Variants in ASNS observed in about 807,000 individuals in gnomAD.
ASNS encodes the protein asparagine synthetase (glutamine-hydrolyzing).
A neutral mutation model predicts 62.6 loss-of-function variants in ASNS; 37 were observed. The observed-to-expected ratio is 0.59, with a 90% CI of 0.45 to 0.78. ASNS has a LOEUF of 0.78. Among genes scored for constraint, ASNS ranks in the 30% least tolerant of loss-of-function variants. The pLI is 0.00. For missense variants in ASNS, 520 were observed against 682.4 expected (o/e 0.76, Z 2.65); for synonymous variants, 207 against 237.9 (o/e 0.87, Z 1.19).
rs758183057 is a variant in ASNS at position 97,854,680 on chromosome 7, C to G, written c.1138G>C (p.Ala380Pro). The change falls in exon 10 of 13, where the codon GCT becomes CCT. Residue 380 changes from alanine to proline, a missense_variant and splice_region_variant. By Grantham distance (27) the Ala-to-Pro change is conservative. Transcript: ENST00000394308. The part of the protein sequence containing the change: ...LTQGYIYFHK[A>P]PSPEKAEEES... ...TCCTCGGCTTTTTCAGGAGAAGGAG[C>G]CTATTTCACAAACAAAAACACCAAG... The G allele has an allele frequency of 6.2e-7, 1 of 1,613,980 alleles. No individual in the cohort carries two copies. Among genetic ancestry groups the G allele is most frequent in the South Asian group, 1.1e-5 (1 of 91,084 alleles).
the ASNS span, among the ~76,000 whole-genome samples, chr7:97,917,054 T>G: frequency 4.6e-5 from 7 of 152,052 alleles, no homozygotes; most frequent in Non-Finnish European, 1.0e-4. Context: ...TGGAGAGTCC[T>G]TCACATGGGA....
At chr7:97,924,352 G>A in the ASNS span, among the ~76,000 whole-genome samples, 1 of 152,224 alleles carries the variant, frequency 6.6e-6, no homozygotes, top group Non-Finnish European at 1.5e-5. Flanking sequence ...GCATTCCTCA[G>A]GAGCCTGCCT....
chr7:97,915,046 T>TA, the ASNS span, among the ~76,000 whole-genome samples: 1 of 152,302 alleles, frequency 6.6e-6, no homozygotes, highest in Non-Finnish European at 1.5e-5. Context: ...GACTCCTTTT[T>TA]AAAAAAGTAT....
chr7:97,854,471 T>C (rs1425910698), intron 10 of ASNS, 109 bp downstream of exon 10: 7 of 1,338,214 alleles, frequency 5.2e-6, no homozygotes, highest in Non-Finnish European at 6.2e-6. Context: ...ATGTAACATA[T>C]AGCCAATCAG....
chr7:97,923,406 C>T, the ASNS span, among the ~76,000 whole-genome samples: 2 of 152,022 alleles, frequency 1.3e-5, no homozygotes, highest in Non-Finnish European at 2.9e-5. Context: ...CCTGGCCAAA[C>T]CTCATCTCCA....
chr7:97,867,642 T>A lies in ASNS; in HGVS notation c.249+1266A>T, dbSNP rs181043360. On this transcript the variant is annotated intron_variant, in intron 3 of 12. Transcript: ENST00000394308. ...ATGACATTATTTGACTTAGAAAAAATTTTTAATACTCTCTTCTTCTACCTC... is the reference window on the plus strand; with the variant it reads ...ATGACATTATTTGACTTAGAAAAAAATTTTAATACTCTCTTCTTCTACCTC... Among the ~76,000 whole-genome samples the A allele has an allele frequency of 5.2e-3, 784 of 152,134 alleles. 6 individuals carry two copies. The highest frequency in any genetic ancestry group is 6.4e-3 in the Non-Finnish European group (436 of 67,998).
chr7:97,900,965 C>A, the ASNS span, among the ~76,000 whole-genome samples: 1 of 152,162 alleles, frequency 6.6e-6, no homozygotes, highest in Non-Finnish European at 1.5e-5. Flanking sequence ...GCTGAGAAAT[C>A]TCTCAAAGGA....
intron 1 of ASNS, chr7:97,871,978 C>A (rs1375951298): frequency 6.6e-6 from 1 of 152,266 alleles, no homozygotes; most frequent in African/African-American, 2.4e-5. Flanking sequence ...GGGACCCGGA[C>A]CGCGAAAATG....
chr7:97,859,155 A>G, intron 5 of ASNS, 58 bp downstream of exon 5: 1 of 1,545,094 alleles, frequency 6.5e-7, no homozygotes, highest in South Asian at 1.3e-5. Context: ...GGAGAATACA[A>G]CTTAAAATTT....
chr7:97,852,211 A>T lies in ASNS; in HGVS notation c.*48T>A. On this transcript the variant is annotated 3_prime_UTR_variant, in exon 13 of 13. Transcript: ENST00000394308. ...GTTCCCCTATCTACCCACAGTCCCC[A>T]TCCAACACGAAGAAATATTTGCTTT... is the stretch of plus-strand genomic sequence containing the variant. The T allele has an allele frequency of 6.3e-7, 1 of 1,595,722 alleles. No individual in the cohort carries two copies. Among genetic ancestry groups the T allele is most frequent in the Non-Finnish European group, 8.6e-7 (1 of 1,168,418 alleles).
At chr7:97,907,720 G>A in the ASNS span, among the ~76,000 whole-genome samples, 3 of 149,394 alleles carry the variant, frequency 2.0e-5, no homozygotes, top group South Asian at 6.3e-4. Context: ...AGTGAGCCGA[G>A]ATCGCACCAC....
the ASNS span, among the ~76,000 whole-genome samples, chr7:97,895,719 A>T: frequency 1.2e-3 from 178 of 152,300 alleles, no homozygotes; most frequent in African/African-American, 4.1e-3. Context: ...TGAACCCGAG[A>T]GGTGGAGGTT....
At chr7:97,853,441 G>C in intron 10 of ASNS, 55 bp from the exon 11 acceptor site, 1 of 1,445,796 alleles carries the variant, frequency 6.9e-7, no homozygotes, top group South Asian at 1.2e-5. Flanking sequence ...GTGCCTGCCA[G>C]GTTAGGTTCT....
At chr7:97,908,364 A>G in the ASNS span, 3 of 152,180 alleles carry the variant, frequency 2.0e-5, no homozygotes, top group African/African-American at 7.2e-5. Context: ...AACAAAATGT[A>G]CAAGACCACA....
chr7:97,892,529 A>G, the ASNS span, among the ~76,000 whole-genome samples: 1 of 151,946 alleles, frequency 6.6e-6, no homozygotes, highest in African/African-American at 2.4e-5. Context: ...CCCTTATAAA[A>G]CTGAAGGCCT....
chr7:97,862,613 A>T (rs1441129435), intron 4 of ASNS, among the ~76,000 whole-genome samples: 1 of 152,184 alleles, frequency 6.6e-6, no homozygotes, highest in Non-Finnish European at 1.5e-5. Context: ...GTAAACTATG[A>T]ACTTCAGTTA....
intron 1 of ASNS, among the ~76,000 whole-genome samples, chr7:97,871,110 G>C (rs1215105833): frequency 6.6e-6 from 1 of 151,940 alleles, no homozygotes; most frequent in Non-Finnish European, 1.5e-5. Context: ...AAAAGAAAAA[G>C]GTGAAATTAA....
the ASNS span, among the ~76,000 whole-genome samples, chr7:97,912,591 T>G: frequency 6.3e-5 from 5 of 79,376 alleles, no homozygotes; most frequent in South Asian, 9.7e-4. Context: ...TTTTTTTTTT[T>G]TTCTGTTTTC....
At chr7:97,874,121 C>T (rs147914420), upstream of ASNS, among the ~76,000 whole-genome samples, 396 of 152,206 alleles carry the variant, frequency 2.6e-3, no homozygotes, top group Non-Finnish European at 4.6e-3. Context: ...GAGACAGGTA[C>T]GCCCCGGGGG....
Sources: allele counts gnomAD v4.1 joint callset (sites outside exome capture counted in the v4.1 genomes callset), GRCh38; gene constraint gnomAD v4.1.1; transcripts MANE v1.5; gene names NCBI Gene and HGNC (gene_info 2026-07-23, HGNC 2026-07-21).